Variants in MIPEP observed in about 807,000 individuals in gnomAD.
MIPEP encodes the protein mitochondrial intermediate peptidase.
Under a neutral mutation model 90.3 loss-of-function variants are expected in MIPEP, and 79 were observed. That is an observed-to-expected ratio of 0.87 (90% CI 0.73 to 1.05). The LOEUF is 1.05. Ranked by LOEUF, MIPEP falls within the 50% of genes least tolerant of loss-of-function variation. MIPEP has a pLI of 0.00. For missense variants in MIPEP, 940 were observed against 905.6 expected, an observed-to-expected ratio of 1.04 and a Z score of -0.49; for synonymous variants, 334 against 315.8, an observed-to-expected ratio of 1.06 and a Z score of -0.61.
chr13:23,805,083 C>A (rs1257483708), intron 16 of MIPEP, among the ~76,000 whole-genome samples: 1 of 152,220 alleles, frequency 6.6e-6, no homozygotes, highest in South Asian at 2.1e-4. Flanking sequence ...CACCCCTATA[C>A]CCCTGCACCT....
intron 15 of MIPEP, among the ~76,000 whole-genome samples, chr13:23,808,342 G>A (rs921595615): frequency 1.3e-5 from 2 of 151,956 alleles, no homozygotes; most frequent in African/African-American, 2.4e-5. Context: ...CTCGTGATCC[G>A]CCCGCCTCGG....
At chr13:23,878,207 G>A (rs1334749554) in intron 4 of MIPEP, among the ~76,000 whole-genome samples, 2 of 152,174 alleles carry the variant, frequency 1.3e-5, no homozygotes, top group East Asian at 1.9e-4. Context: ...ACTTTTCCTT[G>A]CTTTGCTAAT....
chr13:23,759,687 C>T (rs541620073), intron 17 of MIPEP, among the ~76,000 whole-genome samples: 2 of 152,210 alleles, frequency 1.3e-5, no homozygotes, highest in Non-Finnish European at 2.9e-5. Flanking sequence ...CCCGACAATG[C>T]TCCCAGCCTC....
In MIPEP at chr13:23,854,188, A is replaced by AT. The variant is rs568842347; in HGVS notation, c.1106+4671dup. ...AAAATACAAAAAATTAGCCAGGCTA[A>AT]TTTTTTTTTTTTTTTTTTTTGTAGA... On this transcript the variant is annotated intron_variant, in intron 10 of 18. Coordinates refer to ENST00000382172, the MANE Select transcript of MIPEP (RefSeq NM_005932.4). Among the ~76,000 whole-genome samples the AT allele has an allele frequency of 8.7e-4, 99 of 114,168 alleles. 2 individuals carry two copies. The highest frequency in any genetic ancestry group is 2.2e-3 in the African/African-American group (68 of 31,226). 74.9% of individuals were successfully genotyped at this position (114,168 alleles called of 152,430 possible). A position where few individuals can be genotyped will look rare whatever the true frequency, so the allele number is the denominator to read the frequency against.
At chr13:23,799,160 C>T (rs555980705) in intron 16 of MIPEP, among the ~76,000 whole-genome samples, 13 of 148,798 alleles carry the variant, frequency 8.7e-5, no homozygotes, top group African/African-American at 3.0e-4. Context: ...TGTACCACCA[C>T]GCGCAGCTGA....
chr13:23,756,623 G>A lies in MIPEP; in HGVS notation c.1971-5C>T. 2 of 1,612,114 alleles carry A rather than the reference G, an allele frequency of 1.2e-6. No individual in the cohort carries two copies. Among genetic ancestry groups the A allele is most frequent in the Admixed American group, 1.7e-5 (1 of 60,026 alleles). Reference sequence around the variant, plus strand: ...CGATAGCGCTCCCCGGCAGCCCTGGGGAAGAGAGGTTCTGTTACAGACTCC... The same window carrying A: ...CGATAGCGCTCCCCGGCAGCCCTGGAGAAGAGAGGTTCTGTTACAGACTCC... On this transcript the variant is annotated splice_region_variant and splice_polypyrimidine_tract_variant and intron_variant, in intron 17 of 18. Coordinates refer to ENST00000382172, the MANE Select transcript of MIPEP (RefSeq NM_005932.4).
chr13:23,769,845 T>A (rs1023261112), intron 16 of MIPEP, among the ~76,000 whole-genome samples: 8 of 152,116 alleles, frequency 5.3e-5, no homozygotes, highest in African/African-American at 1.7e-4. Flanking sequence ...GACCGGATCA[T>A]GAGGGCCCTG....
At chr13:23,848,322 C>T (rs1025458665) in intron 10 of MIPEP, among the ~76,000 whole-genome samples, 3 of 152,202 alleles carry the variant, frequency 2.0e-5, no homozygotes, top group Non-Finnish European at 4.4e-5. Context: ...TTCCCTTCTT[C>T]TACTCCTATT....
chr13:23,885,173 T>C lies in MIPEP; in HGVS notation c.363+1160A>G, dbSNP rs140120895. On this transcript the variant is annotated intron_variant, in intron 2 of 18. Coordinates refer to ENST00000382172, the MANE Select transcript of MIPEP (RefSeq NM_005932.4). ...CAACAACATGGATGGTCATTATGTT[T>C]AGTGAAATAAGTCAGGCACAGAAAG... Among the ~76,000 whole-genome samples, 1,277 of 152,330 alleles carry C rather than the reference T, an allele frequency of 8.4e-3. 20 individuals carry two copies. The highest frequency in any genetic ancestry group is 0.029 in the African/African-American group (1,196 of 41,574).
intron 18 of MIPEP, among the ~76,000 whole-genome samples, chr13:23,750,379 G>GT (rs1293646583): frequency 6.6e-6 from 1 of 152,218 alleles, no homozygotes; most frequent in African/African-American, 2.4e-5. Context: ...CCTCTAGACT[G>GT]TGTCAGCTTC....
chr13:23,788,506 C>G (rs958806995), intron 16 of MIPEP, among the ~76,000 whole-genome samples: 1 of 152,172 alleles, frequency 6.6e-6, no homozygotes, highest in Non-Finnish European at 1.5e-5. Context: ...TAGTAGCTCT[C>G]GAAGGCCACA....
chr13:23,825,465 T>C (rs757316198), intron 14 of MIPEP, among the ~76,000 whole-genome samples: 1 of 152,194 alleles, frequency 6.6e-6, no homozygotes, highest in African/African-American at 2.4e-5. Flanking sequence ...CTTACAATGA[T>C]GCAGGACAGA....
chr13:23,797,133 T>C (rs1313708816), intron 16 of MIPEP, among the ~76,000 whole-genome samples: 1 of 152,240 alleles, frequency 6.6e-6, no homozygotes, highest in Non-Finnish European at 1.5e-5. Context: ...GAGAACATCA[T>C]GCCAACCACA....
intron 10 of MIPEP, among the ~76,000 whole-genome samples, chr13:23,849,966 C>T (rs1345184954): frequency 2.0e-5 from 3 of 152,170 alleles, no homozygotes; most frequent in Non-Finnish European, 4.4e-5. Flanking sequence ...TCAGAGAATC[C>T]AGGTTGAAAC....
chr13:23,758,474 G>A (rs542037747), intron 17 of MIPEP, among the ~76,000 whole-genome samples: 27 of 152,254 alleles, frequency 1.8e-4, no homozygotes, highest in African/African-American at 4.6e-4. Context: ...ATTTAGAAAC[G>A]TATATATTTT....
intron 16 of MIPEP, among the ~76,000 whole-genome samples, chr13:23,768,175 C>T (rs1395193301): frequency 6.6e-6 from 1 of 152,148 alleles, no homozygotes; most frequent in East Asian, 1.9e-4. Context: ...GATGAAGCTA[C>T]CAGCTCACTG....
chr13:23,876,373 C>T (rs1249611958), intron 4 of MIPEP, among the ~76,000 whole-genome samples: 3 of 152,076 alleles, frequency 2.0e-5, no homozygotes, highest in Non-Finnish European at 2.9e-5. Context: ...TTTTTATTTC[C>T]GTTTTACAAA....
chr13:23,782,687 A>C (rs1952793552), intron 16 of MIPEP, among the ~76,000 whole-genome samples: 1 of 152,204 alleles, frequency 6.6e-6, no homozygotes, highest in Non-Finnish European at 1.5e-5. Flanking sequence ...TGAAAAGATC[A>C]ACAAAATTGA....
intron 14 of MIPEP, among the ~76,000 whole-genome samples, chr13:23,817,383 G>A (rs187104030): frequency 7.3e-4 from 111 of 152,140 alleles, no homozygotes; most frequent in Non-Finnish European, 1.4e-3. Flanking sequence ...TTGGTCAGTC[G>A]AGTGAGAATC....
Sources: gnomAD v4.1 joint callset for allele counts (sites outside exome capture counted in the v4.1 genomes callset) on GRCh38, gnomAD v4.1.1 for gene constraint, MANE v1.5 for transcripts, NCBI Gene and HGNC (gene_info 2026-07-23, HGNC 2026-07-21) for gene names.